The following DLGAP4 variants were observed in gnomAD, a reference collection of about 807,000 sequenced individuals.
DLGAP4 encodes disks large-associated protein 4.
DLGAP4 carries 18 observed loss-of-function variants against 86.9 expected under a neutral mutation model. The observed-to-expected ratio is 0.21, with a 90% confidence interval of 0.14 to 0.31. The LOEUF is 0.31. DLGAP4 is among the 10% of genes least tolerant of loss of function. The probability of loss-of-function intolerance (pLI) is 1.00; values close to 1 mark genes in which losing one functional copy is unlikely to be tolerated. For synonymous variants in DLGAP4, 548 were observed against 574.3 expected (o/e 0.95, Z 0.65); for missense variants, 1,085 against 1,362.6 (o/e 0.80, Z 3.21).
intron 1 of DLGAP4, among the ~76,000 whole-genome samples, chr20:36,353,034 C>A (rs1555893572): frequency 1.3e-5 from 2 of 152,180 alleles, no homozygotes; most frequent in African/African-American, 4.8e-5. Flanking sequence ...TGCACCTGCC[C>A]CCTCTGGACC....
At chr20:36,340,639 C>G (rs2065370113) in intron 1 of DLGAP4, among the ~76,000 whole-genome samples, 1 of 152,206 alleles carries the variant, frequency 6.6e-6, no homozygotes, top group South Asian at 2.1e-4. Flanking sequence ...GTGTCCCCAC[C>G]CCTGCCCACC....
At chr20:36,495,157 G>C (rs1014532718) in intron 7 of DLGAP4, among the ~76,000 whole-genome samples, 1 of 151,962 alleles carries the variant, frequency 6.6e-6, no homozygotes, top group Non-Finnish European at 1.5e-5. Flanking sequence ...ATGCCCAGCT[G>C]CATGTTTTAT....
At chr20:36,377,832 C>T (rs1010159354) in intron 2 of DLGAP4, among the ~76,000 whole-genome samples, 2 of 152,192 alleles carry the variant, frequency 1.3e-5, no homozygotes, top group Non-Finnish European at 2.9e-5. Flanking sequence ...ACCACACGGG[C>T]TGACATTTCC....
chr20:36,333,035 T>G (rs2065285985), intron 1 of DLGAP4, among the ~76,000 whole-genome samples: 1 of 152,164 alleles, frequency 6.6e-6, no homozygotes, highest in Non-Finnish European at 1.5e-5. Flanking sequence ...TTTTTCTTCT[T>G]TCTCTCTCTT....
chr20:36,345,823 C>T (rs938358585), intron 1 of DLGAP4, among the ~76,000 whole-genome samples: 1 of 151,968 alleles, frequency 6.6e-6, no homozygotes, highest in Non-Finnish European at 1.5e-5. Context: ...AGTGGCATAA[C>T]CATGGCTCCC....
intron 7 of DLGAP4, among the ~76,000 whole-genome samples, chr20:36,477,245 G>A (rs1160750844): frequency 1.3e-5 from 2 of 151,552 alleles, no homozygotes; most frequent in South Asian, 2.1e-4. Context: ...ACAGGCACCC[G>A]CCACCACGCC....
At position 36,367,072 on chromosome 20, in the gene DLGAP4, C is replaced by A. The variant is rs2147413530; in HGVS notation, c.-276C>A. 6.6e-6 allele frequency: 1 copy of A among 152,470 alleles called. No individual in the cohort carries two copies. The highest frequency in any genetic ancestry group is 1.9e-4 in the East Asian group (1 of 5,174). The allele number at this position is 152,470 out of a possible 1,614,324, so 9.4% of individuals were successfully genotyped here. On this transcript the variant is annotated 5_prime_UTR_variant, in exon 2 of 13. Transcript: ENST00000339266. Reference sequence around the variant, plus strand: ...ACCCGTGCCTCCCCTCTGCCAGGAACCTTGGGGCCTTGTGTGTGACCAGGA... The same window carrying A: ...ACCCGTGCCTCCCCTCTGCCAGGAAACTTGGGGCCTTGTGTGTGACCAGGA...
chr20:36,324,618 C>T (rs1236476800), intron 1 of DLGAP4, among the ~76,000 whole-genome samples: 4 of 152,090 alleles, frequency 2.6e-5, no homozygotes, highest in Admixed American at 6.5e-5. Context: ...GCACCCCTTT[C>T]GAAAATCAAT....
At chr20:36,379,528 T>C (rs1238983989) in intron 2 of DLGAP4, among the ~76,000 whole-genome samples, 6 of 152,110 alleles carry the variant, frequency 3.9e-5, no homozygotes, top group Non-Finnish European at 7.4e-5. Flanking sequence ...TGGACCTGTG[T>C]GTAGCTGGGG....
chr20:36,500,233 C>T lies in DLGAP4; in HGVS notation c.2134C>T (p.Arg712Trp), dbSNP rs1487528852. Residue 712 changes from arginine to tryptophan, a missense_variant, in exon 10 of 13, where the codon CGG (arginine) becomes TGG (tryptophan). Physicochemically the swap from Arg to Trp is moderately radical, Grantham distance 101 (BLOSUM62 -3). Transcript: ENST00000339266. The surrounding 1 kb of genome is among the most constrained non-coding windows in gnomAD (Gnocchi z 4.6). ...CCCCTCTCACAGTATGTCCTCCCGA[C>T]GGGACACAGACTCGGATACCCAGGA... is the stretch of plus-strand genomic sequence containing the variant. ...SVPSHSMSSR[R>W]DTDSDTQDAN... 25 of 1,596,334 alleles carry T rather than the reference C, an allele frequency of 1.6e-5. 1 individual carries two copies. The highest frequency in any genetic ancestry group is 1.4e-4 in the Admixed American group (8 of 57,292).
At chr20:36,514,160 AG>A (rs950232190) in intron 10 of DLGAP4, among the ~76,000 whole-genome samples, 18 of 110,926 alleles carry the variant, frequency 1.6e-4, no homozygotes, top group Middle Eastern at 4.1e-3. Flanking sequence ...AACGTTCTCA[AG>A]GGAGAATCCA....
chr20:36,409,726 G>A (rs866146675), intron 2 of DLGAP4, among the ~76,000 whole-genome samples: 3 of 128,140 alleles, frequency 2.3e-5, no homozygotes. Context: ...AAAAAAAAAA[G>A]AAACATAATA....
chr20:36,351,369 T>G (rs1258721818), intron 1 of DLGAP4, among the ~76,000 whole-genome samples: 1 of 152,152 alleles, frequency 6.6e-6, no homozygotes, highest in African/African-American at 2.4e-5. Flanking sequence ...CACCTCCTGT[T>G]AGATCAGCGG....
At chr20:36,478,052 G>T (rs1458460119) in intron 7 of DLGAP4, among the ~76,000 whole-genome samples, 1 of 152,242 alleles carries the variant, frequency 6.6e-6, no homozygotes, top group Admixed American at 6.5e-5. Flanking sequence ...TGATGGGCCT[G>T]TGAGGGAGGA....
rs963591601 is a variant in DLGAP4, at chr20:36,451,411, C to T, written c.1648+4474C>T. ...TGTCGCCCAGGCTGGAGTGCAGTGG[C>T]GCGATCTCAGCTCACTGCAACATCT... On this transcript the variant is annotated intron_variant, in intron 7 of 12. Coordinates refer to ENST00000339266, the MANE Select transcript of DLGAP4 (RefSeq NM_001365621.2). Among the ~76,000 whole-genome samples the T allele has an allele frequency of 7.2e-5, 11 of 152,112 alleles. 1 individual carries two copies. The highest frequency in any genetic ancestry group is 1.5e-4 in the Non-Finnish European group (10 of 68,030).
intron 1 of DLGAP4, among the ~76,000 whole-genome samples, chr20:36,330,678 T>C (rs1386981699): frequency 6.6e-6 from 1 of 151,670 alleles, no homozygotes; most frequent in Non-Finnish European, 1.5e-5. Context: ...ATTCAAGCAA[T>C]TCTCCTGCCT....
intron 7 of DLGAP4, among the ~76,000 whole-genome samples, chr20:36,474,264 A>G (rs1189227067): frequency 2.0e-5 from 3 of 152,196 alleles, no homozygotes; most frequent in African/African-American, 7.2e-5. Context: ...GCTGTTTGCC[A>G]AGTGCAGGGC....
chr20:36,316,271 T>C (rs995574656), intron 1 of DLGAP4, among the ~76,000 whole-genome samples: 38 of 150,912 alleles, frequency 2.5e-4, no homozygotes, highest in Admixed American at 2.2e-3. Flanking sequence ...AATGAGGCCA[T>C]TGCTGCCCCT....
At position 36,461,748 on chromosome 20, in the gene DLGAP4, T is replaced by TCCGCCCGCCCGC. The variant is rs556566313; in HGVS notation, c.1648+14824_1648+14835dup. On this transcript the variant is annotated intron_variant, in intron 7 of 12. Transcript: ENST00000339266. ...CCCCGTCTGTCCGTCCGTCCGTCCGTCCGCCCGCCCGCCCGCCCGCCCGCG... is the reference window on the plus strand; with the variant it reads ...CCCCGTCTGTCCGTCCGTCCGTCCGTCCGCCCGCCCGCCCGCCCGCCCGCCCGCCCGCCCGCG... The TCCGCCCGCCCGC allele has an allele frequency of 7.6e-4, 651 of 853,316 alleles. 2 individuals are homozygous for TCCGCCCGCCCGC. The highest frequency in any genetic ancestry group is 3.1e-3 in the Admixed American group (34 of 11,050). The allele number at this position is 853,316 out of a possible 1,614,324, so 52.9% of individuals were successfully genotyped here.
Sources: gnomAD v4.1 joint callset for allele counts (sites outside exome capture counted in the v4.1 genomes callset) on GRCh38, gnomAD v4.1.1 for gene constraint, Gnocchi (gnomAD v3.1) non-coding constraint, MANE v1.5 for transcripts, NCBI Gene and HGNC (gene_info 2026-07-23, HGNC 2026-07-21) for gene names.